Variants in RPF2 observed in about 807,000 individuals in gnomAD.
RPF2 encodes ribosome production factor 2 homolog.
A neutral mutation model predicts 38.9 loss-of-function variants in RPF2; 21 were observed. The observed-to-expected ratio is 0.54, with a 90% CI of 0.38 to 0.78. The LOEUF is 0.78. RPF2 is among the 30% of genes least tolerant of loss of function. The pLI is 0.00. For missense variants in RPF2, 314 were observed against 358.1 expected (o/e 0.88, Z 0.99); for synonymous variants, 121 against 126.2 (o/e 0.96, Z 0.28).
chr6:110,990,611 GTC>G (rs1771604521), intron 3 of RPF2, among the ~76,000 whole-genome samples: 1 of 141,424 alleles, frequency 7.1e-6, no homozygotes, highest in African/African-American at 2.6e-5. Flanking sequence ...ATGAGACGGA[GTC>G]TCACTCTTTC....
At chr6:110,983,360 T>A (rs1406010989) in intron 1 of RPF2, among the ~76,000 whole-genome samples, 2 of 152,134 alleles carry the variant, frequency 1.3e-5, no homozygotes, top group Non-Finnish European at 2.9e-5. Context: ...AATTTGTTTT[T>A]TTTTGAGACA....
At position 110,989,043 on chromosome 6, in the gene RPF2, C is replaced by A. The variant is rs775782128; in HGVS notation, c.172C>A (p.Pro58Thr). 13 of 1,591,906 alleles carry A rather than the reference C, an allele frequency of 8.2e-6. No individual in the cohort carries two copies. The African/African-American group carries it at 1.2e-4, about 15-fold the overall frequency. Residue 58 changes from proline (P) to threonine (T), a missense_variant, in exon 3 of 10, where the codon CCA becomes ACA. Pro to Thr is a conservative substitution (Grantham distance 38). Transcript: ENST00000441448. Reference sequence around the variant, plus strand: ...TGTTTTACAGTATGCACTGAAAAAACCATACGGTGTACTATATAAAAAGTA... The same window carrying A: ...TGTTTTACAGTATGCACTGAAAAAAACATACGGTGTACTATATAAAAAGTA... ...VLKDVYALKKPYGVLYKKKNI... is the reference protein window; with the variant it reads ...VLKDVYALKKTYGVLYKKKNI...
intron 1 of RPF2, among the ~76,000 whole-genome samples, chr6:110,982,952 G>A (rs1440978793): frequency 6.6e-6 from 1 of 152,214 alleles, no homozygotes; most frequent in Non-Finnish European, 1.5e-5. Context: ...GCTGTTTAAT[G>A]AGATACAAAA....
At chr6:110,998,971 C>T (rs1372678789) in intron 5 of RPF2, among the ~76,000 whole-genome samples, 1 of 151,028 alleles carries the variant, frequency 6.6e-6, no homozygotes, top group African/African-American at 2.4e-5. Context: ...AAATTTATGT[C>T]GGTCAGCAAG....
intron 2 of RPF2, among the ~76,000 whole-genome samples, chr6:110,986,008 T>A (rs1483778748): frequency 1.3e-5 from 2 of 151,782 alleles, no homozygotes; most frequent in Non-Finnish European, 2.9e-5. Context: ...ACACTGCAGC[T>A]TCATTTTGAA....
intron 7 of RPF2, among the ~76,000 whole-genome samples, chr6:111,014,529 T>C (rs1215361355): frequency 6.6e-6 from 1 of 152,188 alleles, no homozygotes; most frequent in Non-Finnish European, 1.5e-5. Flanking sequence ...TATGGGCTAA[T>C]GGGAAGCAGG....
At chr6:111,015,109 C>T (rs1171136636) in intron 7 of RPF2, among the ~76,000 whole-genome samples, 7 of 152,044 alleles carry the variant, frequency 4.6e-5, no homozygotes, top group Non-Finnish European at 8.8e-5. Context: ...ATTTTATGTC[C>T]CTATTGTAAA....
intron 7 of RPF2, among the ~76,000 whole-genome samples, chr6:111,013,323 G>T (rs1772051419): frequency 6.6e-6 from 1 of 152,196 alleles, no homozygotes; most frequent in Admixed American, 6.6e-5. Flanking sequence ...ATACTCTGTT[G>T]TGTTCTAGCC....
At chr6:110,991,025 T>C (rs979942426) in intron 3 of RPF2, among the ~76,000 whole-genome samples, 6 of 152,190 alleles carry the variant, frequency 3.9e-5, no homozygotes, top group African/African-American at 9.6e-5. Flanking sequence ...CCTCAGTATC[T>C]GTGGGCGATG....
At chr6:111,007,051 A>AT (rs1771922058) in intron 6 of RPF2, among the ~76,000 whole-genome samples, 2 of 151,846 alleles carry the variant, frequency 1.3e-5, no homozygotes, top group African/African-American at 4.8e-5. Context: ...CAAAAAAAAA[A>AT]GGTTTTTTGT....
At chr6:111,023,644 T>A (rs191322193) in intron 8 of RPF2, among the ~76,000 whole-genome samples, 1,953 of 151,788 alleles carry the variant, frequency 0.013, 21 homozygotes, top group Non-Finnish European at 0.019. Context: ...AAAAAAAAAA[T>A]TTTTAATTTG....
chr6:111,024,060 G>C (rs1583277796), intron 8 of RPF2, 123 bp from the exon 9 acceptor site: 1 of 817,576 alleles, frequency 1.2e-6, no homozygotes, highest in African/African-American at 1.7e-5. Flanking sequence ...AAGTATTTAA[G>C]TAAGTCTTTC....
intron 4 of RPF2, among the ~76,000 whole-genome samples, chr6:110,995,546 A>C (rs1474836344): frequency 6.6e-6 from 1 of 152,074 alleles, no homozygotes; most frequent in Non-Finnish European, 1.5e-5. Context: ...AGAAAAATGG[A>C]GGGTTATGAC....
intron 6 of RPF2, among the ~76,000 whole-genome samples, chr6:111,003,253 A>G (rs1562370627): frequency 1.3e-5 from 2 of 151,642 alleles, no homozygotes; most frequent in Non-Finnish European, 2.9e-5. Flanking sequence ...TCACCTACCT[A>G]CTTTTGTTGC....
chr6:111,016,604 A>AG, intron 8 of RPF2, among the ~76,000 whole-genome samples: 1 of 151,770 alleles, frequency 6.6e-6, no homozygotes, highest in Non-Finnish European at 1.5e-5. Flanking sequence ...AAAAAACAAA[A>AG]AACAAAAAAC....
At chr6:110,992,035 G>A (rs1219856010) in intron 4 of RPF2, among the ~76,000 whole-genome samples, 1 of 152,124 alleles carries the variant, frequency 6.6e-6, no homozygotes, top group Non-Finnish European at 1.5e-5. Flanking sequence ...GGCCGGGCGC[G>A]GTGGCTCACG....
At chr6:110,988,039 C>G (rs1771553543) in intron 2 of RPF2, among the ~76,000 whole-genome samples, 2 of 151,988 alleles carry the variant, frequency 1.3e-5, no homozygotes, top group Non-Finnish European at 1.5e-5. Context: ...CATGGTGAAA[C>G]CCCATCTCCA....
rs1316999916 is a variant in RPF2, at chr6:111,024,413, A to G, written c.741+86A>G. The G allele has an allele frequency of 2.9e-6, 4 of 1,368,408 alleles. No homozygotes were observed. In the African/African-American group the frequency reaches 5.9e-5, roughly 20 times the overall value. The allele number at this position is 1,368,408 out of a possible 1,614,324, so 84.8% of individuals were successfully genotyped here. A position where few individuals can be genotyped will look rare whatever the true frequency, so the allele number is the denominator to read the frequency against. Reference sequence around the variant, plus strand: ...TTCCAAAAAGAATTTGTGGCATATTATATTAAAAGACAAGGACAGGCCAGG... The same window carrying G: ...TTCCAAAAAGAATTTGTGGCATATTGTATTAAAAGACAAGGACAGGCCAGG... On this transcript the variant is annotated intron_variant, in intron 9 of 9. Coordinates refer to ENST00000441448, the MANE Select transcript of RPF2 (RefSeq NM_032194.3).
At chr6:110,995,352 G>C (rs554281175) in intron 4 of RPF2, among the ~76,000 whole-genome samples, 3 of 152,266 alleles carry the variant, frequency 2.0e-5, no homozygotes, top group Admixed American at 1.3e-4. Context: ...TCTCAGAAAA[G>C]ATTATTTGTC....
Sources: allele counts gnomAD v4.1 joint callset (sites outside exome capture counted in the v4.1 genomes callset), GRCh38; gene constraint gnomAD v4.1.1; transcripts MANE v1.5; gene names NCBI Gene and HGNC (gene_info 2026-07-23, HGNC 2026-07-21).